CSMD2: variants seen among roughly 807,000 people sequenced by gnomAD.
The protein encoded by CSMD2 is CUB and Sushi multiple domains 2.
Under a neutral mutation model 398.5 loss-of-function variants are expected in CSMD2, and 130 were observed. That is an observed-to-expected ratio of 0.33 (90% CI 0.28 to 0.38). The LOEUF is 0.38. CSMD2 is among the 10% of genes least tolerant of loss of function. CSMD2 has a pLI of 1.00. For missense variants in CSMD2, 3,829 were observed against 4,764.9 expected (o/e 0.80, Z 5.78); for synonymous variants, 1,828 against 1,908.5 (o/e 0.96, Z 1.10).
chr1:33,794,485 T>C (rs1569978277), intron 10 of CSMD2, among the ~76,000 whole-genome samples: 1 of 152,136 alleles, frequency 6.6e-6, no homozygotes, highest in African/African-American at 2.4e-5. Flanking sequence ...AAGGCAGCGG[T>C]GTGGAACAGG....
intron 8 of CSMD2, 120 bp downstream of exon 8, chr1:33,820,347 GTC>G: frequency 1.4e-6 from 1 of 725,034 alleles, no homozygotes; most frequent in Non-Finnish European, 2.5e-6. Flanking sequence ...TCCAGGAAGT[GTC>G]TGTTCCTATA....
At chr1:34,025,925 G>A (rs1187338985) in intron 3 of CSMD2, among the ~76,000 whole-genome samples, 1 of 152,206 alleles carries the variant, frequency 6.6e-6, no homozygotes, top group African/African-American at 2.4e-5. Context: ...AAACTCTGGA[G>A]CCAGGGTACT....
At chr1:33,667,834 C>A (rs769217650) in intron 25 of CSMD2, among the ~76,000 whole-genome samples, 1 of 152,170 alleles carries the variant, frequency 6.6e-6, no homozygotes, top group Non-Finnish European at 1.5e-5. Flanking sequence ...AAGCCCCTTT[C>A]GGCACTCATT....
At position 33,965,768 on chromosome 1, in the gene CSMD2, T is replaced by C. The variant is rs552742320; in HGVS notation, c.518-29814A>G. Among the ~76,000 whole-genome samples the C allele has an allele frequency of 3.9e-5, 6 of 152,342 alleles. No homozygotes were observed. In the East Asian group the frequency reaches 1.2e-3, roughly 29 times the overall value. On this transcript the variant is annotated intron_variant, in intron 3 of 70. Coordinates refer to ENST00000373381, the MANE Select transcript of CSMD2 (RefSeq NM_001281956.2). The stretch of plus-strand genomic sequence containing the variant: ...ATTTCAAGATGGTCATAGCAGAGCA[T>C]AATACCATGCATAGGTTCCTCGGTG...
chr1:33,619,227 T>C (rs977254930), intron 37 of CSMD2, among the ~76,000 whole-genome samples: 2 of 152,338 alleles, frequency 1.3e-5, no homozygotes, highest in East Asian at 3.9e-4. Context: ...AATGGAAGGA[T>C]GGCAGACCGT....
intron 10 of CSMD2, among the ~76,000 whole-genome samples, chr1:33,800,231 A>G (rs1655430990): frequency 6.6e-6 from 1 of 152,186 alleles, no homozygotes; most frequent in South Asian, 2.1e-4. Flanking sequence ...AGCTTGAACC[A>G]TGATTCCCTC....
chr1:34,057,718 T>C (rs768592391), intron 2 of CSMD2, among the ~76,000 whole-genome samples: 5 of 152,192 alleles, frequency 3.3e-5, no homozygotes, highest in Non-Finnish European at 7.4e-5. Context: ...TGTTAAACCA[T>C]GGGCTCCAGC....
intron 1 of CSMD2, among the ~76,000 whole-genome samples, chr1:34,092,576 C>T (rs1423508332): frequency 3.3e-5 from 5 of 152,124 alleles, no homozygotes; most frequent in South Asian, 2.1e-4. Flanking sequence ...CGAAGCAGGG[C>T]GAGGCATTGC....
At chr1:33,713,110 T>A (rs1458989465) in intron 21 of CSMD2, among the ~76,000 whole-genome samples, 1 of 152,232 alleles carries the variant, frequency 6.6e-6, no homozygotes, top group Non-Finnish European at 1.5e-5. Context: ...TTGGATGCTG[T>A]TATCTCTGTT....
intron 5 of CSMD2, among the ~76,000 whole-genome samples, chr1:33,907,013 A>G (rs1383360838): frequency 6.6e-6 from 1 of 152,092 alleles, no homozygotes; most frequent in Non-Finnish European, 1.5e-5. Flanking sequence ...TAATGCAGAA[A>G]TGTCCAGAAG....
intron 10 of CSMD2, chr1:33,804,625 C>CAATG: frequency 1.4e-6 from 1 of 699,726 alleles, no homozygotes; most frequent in Non-Finnish European, 2.7e-6. Context: ...ATATCTACAT[C>CAATG]AATGAATGAA....
chr1:33,960,033 C>G (rs568165896), intron 3 of CSMD2, among the ~76,000 whole-genome samples: 1 of 152,326 alleles, frequency 6.6e-6, no homozygotes, highest in African/African-American at 2.4e-5. Flanking sequence ...CTGATCCCCA[C>G]GTGACAGAAG....
intron 13 of CSMD2, among the ~76,000 whole-genome samples, chr1:33,756,411 A>G (rs750934617): frequency 2.0e-5 from 3 of 152,196 alleles, no homozygotes; most frequent in Non-Finnish European, 4.4e-5. Context: ...TGAAGTTTAC[A>G]TTCTAAGAGG....
intron 3 of CSMD2, among the ~76,000 whole-genome samples, chr1:34,026,756 G>T (rs975854511): frequency 1.3e-5 from 2 of 152,220 alleles, no homozygotes; most frequent in Non-Finnish European, 2.9e-5. Flanking sequence ...GAAGTCTGGG[G>T]CTAGGGTGAG....
intron 25 of CSMD2, among the ~76,000 whole-genome samples, chr1:33,688,060 C>T (rs1277140554): frequency 6.6e-6 from 1 of 152,064 alleles, no homozygotes; most frequent in Non-Finnish European, 1.5e-5. Flanking sequence ...AATTTGAGGT[C>T]ATGTATCAAA....
chr1:33,782,998 ACT>A (rs1357696866), intron 12 of CSMD2, among the ~76,000 whole-genome samples: 1 of 151,870 alleles, frequency 6.6e-6, no homozygotes, highest in Admixed American at 6.6e-5. Context: ...GGTTGGGAAG[ACT>A]CTGCCACTAT....
intron 54 of CSMD2, among the ~76,000 whole-genome samples, chr1:33,558,966 T>C (rs1449513261): frequency 5.9e-5 from 9 of 152,208 alleles, no homozygotes; most frequent in South Asian, 2.1e-4. Context: ...TACTTCTAGA[T>C]CTCTTGTTTA....
intron 5 of CSMD2, among the ~76,000 whole-genome samples, chr1:33,866,552 C>T (rs993644215): frequency 2.6e-5 from 4 of 152,240 alleles, no homozygotes; most frequent in Non-Finnish European, 4.4e-5. Context: ...AGGAGACGCC[C>T]GCATTTTCTG....
At chr1:34,111,805 G>A (rs545371347) in intron 1 of CSMD2, among the ~76,000 whole-genome samples, 1 of 152,152 alleles carries the variant, frequency 6.6e-6, no homozygotes, top group African/African-American at 2.4e-5. Context: ...AAAAGATTTG[G>A]GCTGGTCATA....
Sources: allele counts gnomAD v4.1 joint callset (sites outside exome capture counted in the v4.1 genomes callset), GRCh38; gene constraint gnomAD v4.1.1; transcripts MANE v1.5; gene names NCBI Gene and HGNC (gene_info 2026-07-23, HGNC 2026-07-21).